Variants in HEATR5B observed in about 807,000 individuals in gnomAD.
HEATR5B encodes the protein HEAT repeat containing 5B.
HEATR5B carries 156 observed loss-of-function variants against 224.1 expected under a neutral mutation model. The observed-to-expected ratio is 0.70, with a 90% CI of 0.61 to 0.80. The LOEUF (loss-of-function observed/expected upper bound fraction) is 0.80, where lower values mean the gene tolerates loss of function less well. Ranked by LOEUF, HEATR5B falls within the 30% of genes least tolerant of loss-of-function variation. The pLI is 0.00. For synonymous variants in HEATR5B, 1,027 were observed against 893.0 expected (o/e 1.15, Z -2.68); for missense variants, 2,323 against 2,535.5 (o/e 0.92, Z 1.80).
intron 11 of HEATR5B, among the ~76,000 whole-genome samples, chr2:37,061,002 T>C (rs1388125968): frequency 4.6e-5 from 7 of 152,112 alleles, no homozygotes; most frequent in Admixed American, 2.0e-4. Context: ...AAACATAAAA[T>C]ACACAAAAAG....
At chr2:37,083,537 C>T in intron 1 of HEATR5B, 101 bp from the exon 2 acceptor site, 1 of 829,452 alleles carries the variant, frequency 1.2e-6, no homozygotes. Flanking sequence ...CTACTCATTT[C>T]ATTTGGGGAA....
At position 37,063,739 on chromosome 2, in the gene HEATR5B, G is replaced by A. The variant is rs114277780; in HGVS notation, c.1584+1001C>T. The stretch of plus-strand genomic sequence containing the variant: ...AAATAATATTTATATAAACACTTAA[G>A]ATTACTGAGAAGAAAACCATGATAG... On this transcript the variant is annotated intron_variant, in intron 10 of 35. Transcript: ENST00000233099. Among the ~76,000 whole-genome samples, 617 of 152,102 alleles carry A rather than the reference G, an allele frequency of 4.1e-3. 2 individuals are homozygous for A. Among genetic ancestry groups the A allele is most frequent in the Middle Eastern group, 0.01 (3 of 294 alleles).
At chr2:37,060,218 C>T (rs867900794) in intron 12 of HEATR5B, among the ~76,000 whole-genome samples, 1 of 152,166 alleles carries the variant, frequency 6.6e-6, no homozygotes, top group African/African-American at 2.4e-5. Context: ...ATGCCAATAA[C>T]TTTGGTAATC....
At position 37,070,329 on chromosome 2, in the gene HEATR5B, T is replaced by C. The variant is rs1558374520; in HGVS notation, c.828A>G (p.Thr276=). 2 of 1,614,058 alleles carry C rather than the reference T, an allele frequency of 1.2e-6. No individual in the cohort carries two copies. Among genetic ancestry groups the C allele is most frequent in the African/African-American group, 1.3e-5 (1 of 75,048 alleles). Residue 276 remains threonine (T), a synonymous_variant, in exon 7 of 36, where the codon ACA becomes ACG. Transcript: ENST00000233099. The part of the protein sequence containing the change: ...TFDEVLELMA[T]GFLRGGSGFL... ...AACCTGACCCTCCACGCAGAAATCCTGTGGCCATGAGTTCTAAGACTTCAT... is the reference window on the plus strand; with the variant it reads ...AACCTGACCCTCCACGCAGAAATCCCGTGGCCATGAGTTCTAAGACTTCAT...
intron 26 of HEATR5B, among the ~76,000 whole-genome samples, chr2:37,014,574 CAG>C (rs1182270921): frequency 1.3e-5 from 2 of 151,534 alleles, no homozygotes; most frequent in African/African-American, 4.9e-5. Flanking sequence ...AAAATGTTAA[CAG>C]AAATAATTTT....
intron 24 of HEATR5B, among the ~76,000 whole-genome samples, chr2:37,026,940 A>C (rs888391595): frequency 6.6e-6 from 1 of 152,156 alleles, no homozygotes; most frequent in African/African-American, 2.4e-5. Flanking sequence ...CTGGGACTAC[A>C]GGCATGTGCC....
At chr2:37,079,041 T>C (rs1386214586) in intron 3 of HEATR5B, 79 bp downstream of exon 3, 1 of 828,224 alleles carries the variant, frequency 1.2e-6, no homozygotes, top group Non-Finnish European at 1.9e-6. Flanking sequence ...TGGGGGTTTT[T>C]ATGGTCCATA....
intron 33 of HEATR5B, among the ~76,000 whole-genome samples, chr2:36,998,733 TA>T (rs1397921782): frequency 4.6e-5 from 7 of 152,126 alleles, no homozygotes; most frequent in Non-Finnish European, 8.8e-5. Context: ...TTAACAGATG[TA>T]AAAAAAGTTA....
intron 26 of HEATR5B, among the ~76,000 whole-genome samples, chr2:37,017,668 C>T (rs1044784529): frequency 1.9e-4 from 8 of 42,384 alleles, no homozygotes; most frequent in African/African-American, 3.9e-4. Context: ...GCCTGGGCAA[C>T]AAGAGCAAAA....
At chr2:37,073,554 C>A (rs189682121) in intron 5 of HEATR5B, among the ~76,000 whole-genome samples, 25 of 152,196 alleles carry the variant, frequency 1.6e-4, no homozygotes, top group African/African-American at 5.8e-4. Context: ...TGGACGTTGA[C>A]ATTGATAGAA....
intron 16 of HEATR5B, 41 bp downstream of exon 16, chr2:37,056,394 CATAAT>C (rs764019150): frequency 2.9e-6 from 4 of 1,376,682 alleles, no homozygotes; most frequent in Non-Finnish European, 3.9e-6. Flanking sequence ...TTTCGTTTAA[CATAAT>C]ATATATTTAA....
intron 17 of HEATR5B, among the ~76,000 whole-genome samples, chr2:37,053,097 T>C (rs1670663227): frequency 6.6e-6 from 1 of 152,130 alleles, no homozygotes; most frequent in Non-Finnish European, 1.5e-5. Flanking sequence ...AGTAGCTTAA[T>C]GAGAACGCAA....
Position 37,064,816 on chromosome 2 carries a change from C to T in HEATR5B, c.1508G>A (p.Gly503Glu). ...NLKTSPEAVSGYSFAMAALLG... is the reference protein window; with the variant it reads ...NLKTSPEAVSEYSFAMAALLG... ...CAAAGCAGCCATTGCAAAACTATAT[C>T]CACTGACAGCTTCTGGTGAGGTCTT... is the stretch of plus-strand genomic sequence containing the variant. The change falls in exon 10 of 36, where the codon GGA becomes GAA. Residue 503 changes from glycine to glutamate, a missense_variant. This residue lies in a region of HEATR5B where 502 missense variants were observed against 517.8 expected (regional missense o/e 0.97). Coordinates refer to ENST00000233099, the MANE Select transcript of HEATR5B (RefSeq NM_019024.3). 1 of 1,614,026 alleles carries T rather than the reference C, an allele frequency of 6.2e-7. No individual in the cohort carries two copies. The highest frequency in any genetic ancestry group is 1.1e-5 in the South Asian group (1 of 91,074).
At chr2:37,055,347 G>C (rs1670841796) in intron 16 of HEATR5B, among the ~76,000 whole-genome samples, 1 of 151,834 alleles carries the variant, frequency 6.6e-6, no homozygotes, top group African/African-American at 2.4e-5. Context: ...CTGTAAAAGT[G>C]ATCATACAGA....
In HEATR5B at chr2:37,078,499, G is replaced by C. The variant is rs964050605; in HGVS notation, c.338+621C>G. 3.3e-5 allele frequency among the ~76,000 whole-genome samples: 5 copies of C among 152,292 alleles called. No individual in the cohort carries two copies. The East Asian group carries it at 9.7e-4, about 29-fold the overall frequency. On this transcript the variant is annotated intron_variant, in intron 3 of 35. Coordinates refer to ENST00000233099, the MANE Select transcript of HEATR5B (RefSeq NM_019024.3). ...AGTGGCAGTGAACTAAATCATTAAA[G>C]TATTAACATAGCTTCAAACTTCAAA...
chr2:37,064,680 G>A (rs532618058), intron 10 of HEATR5B, 60 bp downstream of exon 10: 47 of 1,570,668 alleles, frequency 3.0e-5, no homozygotes, highest in East Asian at 1.1e-4. Context: ...ACACAGCAGC[G>A]TTCCTATAAA....
chr2:37,079,706 T>C (rs1184687136), intron 2 of HEATR5B, among the ~76,000 whole-genome samples: 1 of 152,150 alleles, frequency 6.6e-6, no homozygotes, highest in African/African-American at 2.4e-5. Flanking sequence ...GTGAAGTCAG[T>C]AGTTCATAAA....
rs150484379 is a variant in HEATR5B at position 37,035,503 on chromosome 2, A to C, written c.3216+2352T>G. Among the ~76,000 whole-genome samples the C allele has an allele frequency of 5.1e-4, 78 of 152,278 alleles. 2 individuals are homozygous for C. In the East Asian group the frequency reaches 0.013, roughly 25 times the overall value. ...GGTAAATCTTGATAGTAAGTATAGC[A>C]AATCTTCCAACTTCATTGATCTTTA... is the stretch of plus-strand genomic sequence containing the variant. On this transcript the variant is annotated intron_variant, in intron 21 of 35. Coordinates refer to ENST00000233099, the MANE Select transcript of HEATR5B (RefSeq NM_019024.3).
Position 37,028,753 on chromosome 2 carries a change from G to A in HEATR5B, c.3529C>T (p.Leu1177Phe), listed in dbSNP as rs1203720890. The A allele has an allele frequency of 6.2e-7, 1 of 1,613,882 alleles. No individual in the cohort carries two copies. The highest frequency in any genetic ancestry group is 8.5e-7 in the Non-Finnish European group (1 of 1,179,788). ...SDIHDTLGHM[L>F]SSLAVEKLSH... ...AGTTTTTCTACTGCCAGCGAAGAAA[G>A]CATATGTCCCAAAGTGTCATGAATA... is the stretch of plus-strand genomic sequence containing the variant. Residue 1177 changes from leucine to phenylalanine, a missense_variant, in exon 23 of 36, where the codon CTT (leucine) becomes TTT (phenylalanine). By Grantham distance (22) the Leu-to-Phe change is conservative (BLOSUM62 0). Coordinates refer to ENST00000233099, the MANE Select transcript of HEATR5B (RefSeq NM_019024.3).
Sources: allele counts gnomAD v4.1 joint callset (sites outside exome capture counted in the v4.1 genomes callset), GRCh38; gene constraint gnomAD v4.1.1; regional missense constraint gnomAD v4.1.1; transcripts MANE v1.5; gene names NCBI Gene and HGNC (gene_info 2026-07-23, HGNC 2026-07-21).